HRNR: variants seen among roughly 807,000 people sequenced by gnomAD.
HRNR encodes the protein hornerin.
HRNR carries 7 observed loss-of-function variants against 4.8 expected under a neutral mutation model. That is an observed-to-expected ratio of 1.47 (90% CI 0.83 to 2.75). The LOEUF (loss-of-function observed/expected upper bound fraction) is 2.75, where lower values mean the gene tolerates loss of function less well. Among genes scored for constraint, HRNR ranks in the 30% most tolerant of loss-of-function variants. HRNR has a pLI of 0.00. For missense variants in HRNR, 2,879 were observed against 3,010.4 expected, an observed-to-expected ratio of 0.96 and a Z score of 1.02; for synonymous variants, 1,023 against 1,242.7, an observed-to-expected ratio of 0.82 and a Z score of 3.72.
Position 152,215,420 on chromosome 1 carries a change from T to C in HRNR, c.6209A>G (p.Gln2070Arg), listed in dbSNP as rs201262362. 2 of 1,598,024 alleles carry C rather than the reference T, an allele frequency of 1.3e-6. No individual in the cohort carries two copies. The highest frequency in any genetic ancestry group is 2.2e-5 in the South Asian group (2 of 90,372). The change falls in exon 3 of 3, where the codon CAG becomes CGG. Residue 2070 changes from glutamine to arginine, a missense_variant. This residue lies in a region of HRNR where 11 missense variants were observed against 47.5 expected (regional missense o/e 0.23). Coordinates refer to ENST00000368801, the MANE Select transcript of HRNR (RefSeq NM_001009931.3). The part of the protein sequence containing the change: ...SGSGQSPGHG[Q>R]RGSGSRQSPS... ...AGACTGCCTTGACCCAGACCCACGC[T>C]GGCCGTGGCCTGGAGACTGGCCAGA...
At position 152,220,110 on chromosome 1, in the gene HRNR, GT is replaced by G. The variant is rs755989283; in HGVS notation, c.1518del (p.Gln507LysfsTer78). The G allele has an allele frequency of 8.1e-6, 13 of 1,613,658 alleles. No homozygotes were observed. The highest frequency in any genetic ancestry group is 1.1e-5 in the Non-Finnish European group (13 of 1,179,778). On this transcript the variant is annotated frameshift_variant, in exon 3 of 3. Coordinates refer to ENST00000368801, the MANE Select transcript of HRNR (RefSeq NM_001009931.3). LOFTEE classifies it low-confidence loss of function (END_TRUNC). ...SRSGQSSRGERQGSSAGSSSS... is the reference protein window; with the variant it reads ...SRSGQSSRGEXQGSSAGSSSS... ...GAAGATGAACCTGCACTAGATCCTT[GT>G]CGTTCACCCCTAGATGACTGTCCTG...
rs745806751 is a variant in HRNR at position 152,223,257 on chromosome 1, T to C, written c.-4A>G. On this transcript the variant is annotated 5_prime_UTR_variant, in exon 2 of 3. Transcript: ENST00000368801. The stretch of plus-strand genomic sequence containing the variant: ...CGCCTTGTAGGAGTTTAGGCATTTT[T>C]TTTTTTGCAAGTTTGAGTAACCTAA... The C allele has an allele frequency of 5.0e-6, 8 of 1,608,960 alleles. No homozygotes were observed. The highest frequency in any genetic ancestry group is 3.4e-5 in the South Asian group (3 of 88,984).
At position 152,218,978 on chromosome 1, in the gene HRNR, C is replaced by T. The variant is rs766961481; in HGVS notation, c.2651G>A (p.Gly884Asp). ...GCCTGGAGACTGGCCAGATCCAGAG[C>T]CATGTCGGCCGCGGCCCGAAGCGTG... Reference protein sequence around the residue: ...SHHASGRGRHGSGSGQSPGHG... With the variant: ...SHHASGRGRHDSGSGQSPGHG... The change falls in exon 3 of 3, where the codon GGC (glycine) becomes GAC (aspartate). Residue 884 changes from glycine (G) to aspartate (D), a missense_variant. By Grantham distance (94) the Gly-to-Asp change is moderately conservative. This residue lies in a region of HRNR where 2,646 missense variants were observed against 1,377.7 expected (regional missense o/e 1.92). Transcript: ENST00000368801. 12 of 1,608,624 alleles carry T rather than the reference C, an allele frequency of 7.5e-6. No individual in the cohort carries two copies. Among genetic ancestry groups the T allele is most frequent in the East Asian group, 2.2e-5 (1 of 44,882 alleles).
chr1:152,219,943 C>T lies in HRNR; in HGVS notation c.1686G>A (p.Gly562=). 2 of 1,613,252 alleles carry T rather than the reference C, an allele frequency of 1.2e-6. No individual in the cohort carries two copies. Among genetic ancestry groups the T allele is most frequent in the South Asian group, 1.1e-5 (1 of 91,026 alleles). Residue 562 remains glycine (G), a synonymous_variant, in exon 3 of 3, where the codon GGG becomes GGA. Transcript: ENST00000368801. ...SRQSSSYGPH[G]YGSGRSSSRG... is the part of the protein sequence containing the mutation. ...GGCTTGAAGACCTCCCTGAGCCATACCCATGTGGGCCATAGCTGGAAGACT... is the reference window on the plus strand; with the variant it reads ...GGCTTGAAGACCTCCCTGAGCCATATCCATGTGGGCCATAGCTGGAAGACT...
Position 152,218,439 on chromosome 1 carries a change from C to T in HRNR, c.3190G>A (p.Gly1064Ser), listed in dbSNP as rs377387154. Residue 1064 changes from glycine (G) to serine (S), a missense_variant, in exon 3 of 3, where the codon GGT (glycine) becomes AGT (serine). By Grantham distance (56) the Gly-to-Ser change is moderately conservative. This residue lies in a region of HRNR where 2,646 missense variants were observed against 1,377.7 expected (regional missense o/e 1.92). Coordinates refer to ENST00000368801, the MANE Select transcript of HRNR (RefSeq NM_001009931.3). Reference protein sequence around the residue: ...ESRSGQSSGYGQHGSSSGHSS... With the variant: ...ESRSGQSSGYSQHGSSSGHSS... Reference sequence around the variant, plus strand: ...TGACCTGAGCTAGATCCATGTTGACCGTAGCCAGAGGACTGTCCTGAGCGA... The same window carrying T: ...TGACCTGAGCTAGATCCATGTTGACTGTAGCCAGAGGACTGTCCTGAGCGA... The T allele has an allele frequency of 3.0e-4, 488 of 1,613,088 alleles. No individual in the cohort carries two copies. Among genetic ancestry groups the T allele is most frequent in the Admixed American group, 1.3e-3 (79 of 59,966 alleles).
Position 152,218,733 on chromosome 1 carries a change from G to T in HRNR, c.2896C>A (p.Gln966Lys). The change falls in exon 3 of 3, where the codon CAG becomes AAG. Residue 966 changes from glutamine to lysine, a missense_variant. Around this residue, in one of 8 missense-constraint regions of HRNR, gnomAD observed 2,646 missense variants for 1,377.7 expected, o/e 1.92. Coordinates refer to ENST00000368801, the MANE Select transcript of HRNR (RefSeq NM_001009931.3). Reference sequence around the variant, plus strand: ...CCATGTTGTTCGCTCCTAGATGACTGTCCTGACCTAGAGCCGTGTTGTTCG... The same window carrying T: ...CCATGTTGTTCGCTCCTAGATGACTTTCCTGACCTAGAGCCGTGTTGTTCG... ...SYEQHGSRSG[Q>K]SSRSEQHGSS... The T allele has an allele frequency of 6.2e-7, 1 of 1,614,012 alleles. No individual in the cohort carries two copies. Among genetic ancestry groups the T allele is most frequent in the Non-Finnish European group, 8.5e-7 (1 of 1,180,020 alleles).
In HRNR at chr1:152,221,365, G is replaced by C. The variant is rs759674001; in HGVS notation, c.264C>G (p.Ile88Met). The change falls in exon 3 of 3, where the codon ATC becomes ATG. Residue 88 changes from isoleucine (I) to methionine (M), a missense_variant. This residue lies in a region of HRNR where 2,646 missense variants were observed against 1,377.7 expected (regional missense o/e 1.92). Transcript: ENST00000368801. ...AAACTTGGCAGTAATCTTTGCCAAT[G>C]ATTTTATTACGAGCCTGAACCAGCT... ...IFKLVQARNKIIGKDYCQVSG... is the reference protein window; with the variant it reads ...IFKLVQARNKMIGKDYCQVSG... 2 of 1,613,884 alleles carry C rather than the reference G, an allele frequency of 1.2e-6. No individual in the cohort carries two copies. The highest frequency in any genetic ancestry group is 2.2e-5 in the East Asian group (1 of 44,900).
At chr1:152,221,560 G>A in intron 2 of HRNR, 70 bp from the exon 3 acceptor site, 1 of 1,162,508 alleles carries the variant, frequency 8.6e-7, no homozygotes, top group Non-Finnish European at 1.2e-6. Context: ...CGAACTGAAG[G>A]AAAGATGTGA....
chr1:152,219,456 C>T lies in HRNR; in HGVS notation c.2173G>A (p.Gly725Ser), dbSNP rs143281072. The change falls in exon 3 of 3, where the codon GGC becomes AGC. Residue 725 changes from glycine to serine, a missense_variant. Transcript: ENST00000368801. ...QHGSGSSHSS[G>S]YRKHGSRSGQ... Reference sequence around the variant, plus strand: ...GACCTAGAGCCGTGTTTTCTGTAGCCGGAGGAGTGACTTGAGCCAGATCCA... The same window carrying T: ...GACCTAGAGCCGTGTTTTCTGTAGCTGGAGGAGTGACTTGAGCCAGATCCA... The T allele has an allele frequency of 1.8e-4, 295 of 1,613,410 alleles. 1 individual carries two copies. The African/African-American group carries it at 2.8e-3, about 15-fold the overall frequency.
chr1:152,219,181 A>T lies in HRNR; in HGVS notation c.2448T>A (p.Gly816=). The T allele has an allele frequency of 1.9e-6, 3 of 1,607,360 alleles. No homozygotes were observed. The highest frequency in any genetic ancestry group is 2.5e-6 in the Non-Finnish European group (3 of 1,177,778). Residue 816 remains glycine, a synonymous_variant, in exon 3 of 3, where the codon GGT becomes GGA. Transcript: ENST00000368801. ...CTGAGCCAGACTCGTGTTGCCCAAA[A>T]CCAGAAGCCTGGCCTGAGCCAGACT... ...HYESGSGQAS[G]FGQHESGSGQ...
In HRNR at chr1:152,220,645, G is replaced by T. The variant is rs6587651; in HGVS notation, c.984C>A (p.Gly328=). The T allele has an allele frequency of 0.78, 1,266,393 of 1,613,668 alleles. 508,709 individuals carry two copies. Among genetic ancestry groups the T allele is most frequent in the Non-Finnish European group, 0.84 (992,969 of 1,179,916 alleles). ...HSSSHGQHGS[G]SSYSYSRGHY... is the part of the protein sequence containing the mutation. The stretch of plus-strand genomic sequence containing the variant: ...GGCCACGGCTGTAAGAGTAACTTGA[G>T]CCAGACCCGTGTTGGCCGTGGCTGG... Residue 328 remains glycine, a synonymous_variant, in exon 3 of 3, where the codon GGC becomes GGA. Transcript: ENST00000368801.
Position 152,219,342 on chromosome 1 carries a change from A to C in HRNR, c.2287T>G (p.Ser763Ala). The change falls in exon 3 of 3, where the codon TCG becomes GCG. Residue 763 changes from serine to alanine, a missense_variant. This residue lies in a region of HRNR where 2,646 missense variants were observed against 1,377.7 expected (regional missense o/e 1.92). Coordinates refer to ENST00000368801, the MANE Select transcript of HRNR (RefSeq NM_001009931.3). The part of the protein sequence containing the change: ...GQHGSGSHQS[S>A]GHGRQGSGSG... Reference sequence around the variant, plus strand: ...CCAGACCCTTGTCGGCCGTGGCCCGAAGATTGATGGGAGCCCGACCCATGC... The same window carrying C: ...CCAGACCCTTGTCGGCCGTGGCCCGCAGATTGATGGGAGCCCGACCCATGC... 6.2e-7 allele frequency: 1 copy of C among 1,613,514 alleles called. No homozygotes were observed. Among genetic ancestry groups the C allele is most frequent in the Non-Finnish European group, 8.5e-7 (1 of 1,179,936 alleles).
Position 152,219,952 on chromosome 1 carries a change from G to C in HRNR, c.1677C>G (p.Gly559=), listed in dbSNP as rs767345050. ...ACCTCCCTGAGCCATACCCATGTGG[G>C]CCATAGCTGGAAGACTGCCTGGAAC... The part of the protein sequence containing the change: ...ESGSRQSSSY[G]PHGYGSGRSS... The change falls in exon 3 of 3, where the codon GGC becomes GGG. Residue 559 remains glycine (G), a synonymous_variant. Transcript: ENST00000368801. 2 of 1,613,144 alleles carry C rather than the reference G, an allele frequency of 1.2e-6. No individual in the cohort carries two copies. Among genetic ancestry groups the C allele is most frequent in the East Asian group, 4.5e-5 (2 of 44,806 alleles).
In HRNR at chr1:152,219,136, A is replaced by T. The variant is rs757559221; in HGVS notation, c.2493T>A (p.His831Gln). Residue 831 changes from histidine to glutamine, a missense_variant, in exon 3 of 3, where the codon CAT becomes CAA. His to Gln is a conservative substitution (Grantham distance 24). Transcript: ENST00000368801. ...TAGAGAAGTGACCTGAGGCAGAACC[A>T]TGCTGACTATAGCCCTGTCCTGAGC... The part of the protein sequence containing the change: ...ESGSGQGYSQ[H>Q]GSASGHFSSQ... 2.5e-6 allele frequency: 4 copies of T among 1,613,742 alleles called. No homozygotes were observed.
In HRNR at chr1:152,223,212, AACATCGATG is replaced by A; in HGVS notation, c.33_41del (p.Ile12_Val14del). 1 of 1,613,718 alleles carries A rather than the reference AACATCGATG, an allele frequency of 6.2e-7. No homozygotes were observed. The highest frequency in any genetic ancestry group is 1.1e-5 in the South Asian group (1 of 91,016). ...CATGCTGGGTGGCATATTGGTAGAA[AACATCGATG>A]ACAGTGATGACGCCTTGTAGGAGTT... On this transcript the variant is annotated inframe_deletion, in exon 2 of 3. Coordinates refer to ENST00000368801, the MANE Select transcript of HRNR (RefSeq NM_001009931.3).
rs745377164 is a variant in HRNR at position 152,219,203 on chromosome 1, G to A, written c.2426C>T (p.Ser809Phe). 7.3e-5 allele frequency: 117 copies of A among 1,613,782 alleles called. No homozygotes were observed. In the East Asian group the frequency reaches 2.5e-3, roughly 35 times the overall value. Residue 809 changes from serine (S) to phenylalanine (F), a missense_variant, in exon 3 of 3, where the codon TCT becomes TTT. Physicochemically the swap from Ser to Phe is radical, Grantham distance 155 (BLOSUM62 -2). Transcript: ENST00000368801. Reference sequence around the variant, plus strand: ...AAAACCAGAAGCCTGGCCTGAGCCAGACTCATAATGGCCACAGCTGGAAGA... The same window carrying A: ...AAAACCAGAAGCCTGGCCTGAGCCAAACTCATAATGGCCACAGCTGGAAGA... ...SCSSSCGHYE[S>F]GSGQASGFGQ...
chr1:152,221,295 G>A lies in HRNR; in HGVS notation c.334C>T (p.Gln112Ter). ...TTCTCCTCTTTTTCAGTTTCTTCTTGTTCCTCTTGGTGCTGGTGAGTGTCA... is the reference window on the plus strand; with the variant it reads ...TTCTCCTCTTTTTCAGTTTCTTCTTATTCCTCTTGGTGCTGGTGAGTGTCA... ...RDDTHQHQEE[Q>*]EETEKEENKR... is the part of the protein sequence containing the mutation. Residue 112 changes from glutamine (Q) to a stop codon, truncating the protein, a stop_gained, in exon 3 of 3, where the codon CAA becomes TAA. Transcript: ENST00000368801. LOFTEE classifies it low-confidence loss of function (END_TRUNC). 1.2e-6 allele frequency: 2 copies of A among 1,613,926 alleles called. No homozygotes were observed. Among genetic ancestry groups the A allele is most frequent in the Non-Finnish European group, 1.7e-6 (2 of 1,180,002 alleles).
Position 152,219,184 on chromosome 1 carries a change from A to T in HRNR, c.2445T>A (p.Ser815=). ...GHYESGSGQA[S]GFGQHESGSG... ...AGCCAGACTCGTGTTGCCCAAAACC[A>T]GAAGCCTGGCCTGAGCCAGACTCAT... Residue 815 remains serine (S), a synonymous_variant, in exon 3 of 3, where the codon TCT becomes TCA. Coordinates refer to ENST00000368801, the MANE Select transcript of HRNR (RefSeq NM_001009931.3). 1 of 1,613,994 alleles carries T rather than the reference A, an allele frequency of 6.2e-7. No homozygotes were observed. Among genetic ancestry groups the T allele is most frequent in the Non-Finnish European group, 8.5e-7 (1 of 1,180,022 alleles).
rs570117868 is a variant in HRNR at position 152,223,279 on chromosome 1, C to T, written c.-25-1G>A. 11 of 1,594,280 alleles carry T rather than the reference C, an allele frequency of 6.9e-6. No individual in the cohort carries two copies. In the East Asian group the frequency reaches 2.5e-4, roughly 36 times the overall value. ...TTTTTTTTTTGCAAGTTTGAGTAACCTAAAGGGAGGAAAAAGAGAGACCAA... is the reference window on the plus strand; with the variant it reads ...TTTTTTTTTTGCAAGTTTGAGTAACTTAAAGGGAGGAAAAAGAGAGACCAA... On this transcript the variant is annotated splice_acceptor_variant, in intron 1 of 2. Coordinates refer to ENST00000368801, the MANE Select transcript of HRNR (RefSeq NM_001009931.3). LOFTEE classifies it low-confidence loss of function (5UTR_SPLICE).
Sources: allele counts gnomAD v4.1 joint callset, GRCh38; gene constraint gnomAD v4.1.1; regional missense constraint gnomAD v4.1.1; transcripts MANE v1.5; gene names NCBI Gene and HGNC (gene_info 2026-07-23, HGNC 2026-07-21).